Variants in ANK2 observed in about 807,000 individuals in gnomAD.
ANK2 encodes ankyrin 2.
In ANK2, 83 loss-of-function variants were observed where a neutral mutation model predicts 360.5. That is an observed-to-expected ratio of 0.23 (90% CI 0.19 to 0.28). ANK2 has a LOEUF of 0.28. ANK2 is among the 10% of genes least tolerant of loss of function. The pLI is 1.00. For synonymous variants in ANK2, 1,740 were observed against 1,759.5 expected (o/e 0.99, Z 0.28); for missense variants, 4,201 against 4,795.7 (o/e 0.88, Z 3.66).
At chr4:113,046,546 T>G (rs1009849493), upstream of ANK2, among the ~76,000 whole-genome samples, 1 of 152,080 alleles carries the variant, frequency 6.6e-6, no homozygotes, top group African/African-American at 2.4e-5. Flanking sequence ...AGGCCCTTTT[T>G]GCTTTTCTTT....
At chr4:113,336,171 G>A (rs2093502480) in intron 30 of ANK2, 114 bp downstream of exon 30, 4 of 1,088,958 alleles carry the variant, frequency 3.7e-6, no homozygotes, top group Admixed American at 2.1e-5. Flanking sequence ...AAGGAAGGTA[G>A]CATTAATGGT....
intron 43 of ANK2, among the ~76,000 whole-genome samples, chr4:113,372,315 T>C (rs529335747): frequency 1.3e-5 from 2 of 152,174 alleles, no homozygotes; most frequent in South Asian, 4.2e-4. Flanking sequence ...AATTCCAGAA[T>C]TTTTTTTCAT....
the ANK2 span, among the ~76,000 whole-genome samples, chr4:112,757,947 C>T: frequency 7.3e-6 from 1 of 137,712 alleles, no homozygotes; most frequent in African/African-American, 2.5e-5. Context: ...TGGCGCCGTC[C>T]TGGCCCACTG....
chr4:112,943,515 G>A (rs535114725), intron 2 of ANK2, among the ~76,000 whole-genome samples: 35 of 152,046 alleles, frequency 2.3e-4, no homozygotes, highest in South Asian at 4.2e-4. Context: ...GTGTGATAGC[G>A]GAGGAAGCCT....
chr4:113,023,396 C>T (rs2154299129), intron 2 of ANK2, among the ~76,000 whole-genome samples: 1 of 152,334 alleles, frequency 6.6e-6, no homozygotes. Flanking sequence ...CAGTCCATTC[C>T]CTTGGCCTCC....
chr4:112,773,677 CAGTT>C, the ANK2 span, among the ~76,000 whole-genome samples: 5 of 152,228 alleles, frequency 3.3e-5, no homozygotes, highest in Non-Finnish European at 7.3e-5. Context: ...TGTGCCAAGA[CAGTT>C]AGGCTTCATT....
chr4:112,713,521 A>G, the ANK2 span, among the ~76,000 whole-genome samples: 2 of 152,100 alleles, frequency 1.3e-5, no homozygotes, highest in Non-Finnish European at 2.9e-5. Flanking sequence ...GTGAGCTGAG[A>G]TCGCGCCATT....
At chr4:112,930,112 G>C (rs34881037) in intron 2 of ANK2, among the ~76,000 whole-genome samples, 2,200 of 151,958 alleles carry the variant, frequency 0.014, 47 homozygotes, top group African/African-American at 0.049. Context: ...AGAAATGAAA[G>C]CTCCCTTTTT....
chr4:112,749,596 G>A, the ANK2 span, among the ~76,000 whole-genome samples: 1 of 152,196 alleles, frequency 6.6e-6, no homozygotes, highest in African/African-American at 2.4e-5. Context: ...ATAGTTACTG[G>A]ATTGAGAACA....
rs1350748805 is a variant in ANK2 at position 113,083,654 on chromosome 4, T to A, written c.84+33842T>A. On this transcript the variant is annotated intron_variant, in intron 1 of 45. Transcript: ENST00000357077. ...AAGCCCTCTGAGCCAATCAAAATCA[T>A]GTGGGCATTGAAGTTCAAAACCACA... 2.0e-5 allele frequency among the ~76,000 whole-genome samples: 3 copies of A among 152,218 alleles called. No homozygotes were observed. The East Asian group carries it at 5.8e-4, about 29-fold the overall frequency.
At chr4:112,863,978 A>G (rs1049211789) in intron 1 of ANK2, among the ~76,000 whole-genome samples, 2 of 152,222 alleles carry the variant, frequency 1.3e-5, no homozygotes, top group Admixed American at 1.3e-4. Flanking sequence ...TAAGAGATAA[A>G]AGATGATACA....
chr4:113,279,323 C>A lies in ANK2; in HGVS notation c.1881+765C>A, dbSNP rs58920594. ...GACAATATAATAAAAAAACTGCCACCATTTATTTGCCAAACACTATGCCGA... is the reference window on the plus strand; with the variant it reads ...GACAATATAATAAAAAAACTGCCACAATTTATTTGCCAAACACTATGCCGA... On this transcript the variant is annotated intron_variant, in intron 17 of 45. Transcript: ENST00000357077. 4.8e-3 allele frequency among the ~76,000 whole-genome samples: 725 copies of A among 152,166 alleles called. 4 individuals are homozygous for A. The highest frequency in any genetic ancestry group is 0.016 in the African/African-American group (644 of 41,500).
intron 1 of ANK2, among the ~76,000 whole-genome samples, chr4:112,831,256 G>C (rs961753801): frequency 3.3e-5 from 5 of 152,262 alleles, no homozygotes; most frequent in Non-Finnish European, 7.3e-5. Flanking sequence ...ACTAGGCGAA[G>C]CAAGCTGGGC....
intron 2 of ANK2, among the ~76,000 whole-genome samples, chr4:113,034,947 A>T (rs1251052497): frequency 1.3e-5 from 2 of 151,954 alleles, no homozygotes; most frequent in East Asian, 3.9e-4. Context: ...CTAGGAACTC[A>T]AGGCATATAT....
chr4:113,124,742 T>C (rs1244777369), intron 1 of ANK2, among the ~76,000 whole-genome samples: 2 of 152,202 alleles, frequency 1.3e-5, no homozygotes, highest in African/African-American at 4.8e-5. Context: ...CAACTTAGCC[T>C]TTTTCTAGAG....
At chr4:113,368,665 C>T (rs1482298143) in intron 42 of ANK2, among the ~76,000 whole-genome samples, 1 of 152,238 alleles carries the variant, frequency 6.6e-6, no homozygotes, top group East Asian at 1.9e-4. Flanking sequence ...GAGATTGTAT[C>T]AAAACATTTC....
At chr4:113,094,169 A>G (rs1483567260) in intron 1 of ANK2, among the ~76,000 whole-genome samples, 1 of 152,186 alleles carries the variant, frequency 6.6e-6, no homozygotes, top group Non-Finnish European at 1.5e-5. Flanking sequence ...TGTGAATGCA[A>G]ATTAAATTAG....
chr4:112,928,998 G>A (rs1042948360), intron 2 of ANK2, among the ~76,000 whole-genome samples: 1 of 151,806 alleles, frequency 6.6e-6, no homozygotes, highest in African/African-American at 2.4e-5. Context: ...GACTACAGGC[G>A]TGCACCACCA....
intron 1 of ANK2, among the ~76,000 whole-genome samples, chr4:113,065,932 T>C (rs1288886949): frequency 6.6e-6 from 1 of 152,214 alleles, no homozygotes; most frequent in Non-Finnish European, 1.5e-5. Flanking sequence ...TATTTTACTA[T>C]AGTCACTACT....
Sources: gnomAD v4.1 joint callset for allele counts (sites outside exome capture counted in the v4.1 genomes callset) on GRCh38, gnomAD v4.1.1 for gene constraint, MANE v1.5 for transcripts, NCBI Gene and HGNC (gene_info 2026-07-23, HGNC 2026-07-21) for gene names.